Variants in SMOC2 observed in about 807,000 individuals in gnomAD.
SMOC2 encodes the protein SPARC-related modular calcium-binding protein 2.
SMOC2 carries 39 observed loss-of-function variants against 61.4 expected under a neutral mutation model. That is an observed-to-expected ratio of 0.64 (90% CI 0.49 to 0.83). The LOEUF (loss-of-function observed/expected upper bound fraction) is 0.83, where lower values mean the gene tolerates loss of function less well. SMOC2 is among the 40% of genes least tolerant of loss of function. The probability of loss-of-function intolerance (pLI) is 0.00; values close to 1 mark genes in which losing one functional copy is unlikely to be tolerated. For missense variants in SMOC2, 556 were observed against 592.9 expected (o/e 0.94, Z 0.65); for synonymous variants, 247 against 239.9 (o/e 1.03, Z -0.27).
chr6:168,575,941 G>A (rs574126218), intron 7 of SMOC2, among the ~76,000 whole-genome samples: 1 of 152,236 alleles, frequency 6.6e-6, no homozygotes, highest in African/African-American at 2.4e-5. Context: ...GTGCACCCCT[G>A]CCTGTCGGCC....
At chr6:168,660,228 A>G (rs1335375202) in intron 11 of SMOC2, among the ~76,000 whole-genome samples, 2 of 152,138 alleles carry the variant, frequency 1.3e-5, no homozygotes, top group East Asian at 3.9e-4. Context: ...GAAGGATATG[A>G]GTCCCTCATG....
At chr6:168,531,194 C>T (rs1300692626) in intron 4 of SMOC2, among the ~76,000 whole-genome samples, 2 of 152,046 alleles carry the variant, frequency 1.3e-5, no homozygotes, top group Admixed American at 6.5e-5. Flanking sequence ...TGCTTGCATG[C>T]GGTGGAGAGC....
intron 2 of SMOC2, among the ~76,000 whole-genome samples, chr6:168,518,969 G>A (rs57784202): frequency 0.18 from 27,647 of 150,016 alleles, 2,884 homozygotes; most frequent in East Asian, 0.35. Context: ...ATCCGTGCAC[G>A]CGTGTGTATG....
intron 9 of SMOC2, among the ~76,000 whole-genome samples, chr6:168,614,404 C>T (rs1310635763): frequency 1.1e-5 from 1 of 90,384 alleles, no homozygotes; most frequent in Admixed American, 1.3e-4. Flanking sequence ...CAGCACAGGG[C>T]CTCTTTATAC....
At chr6:168,636,592 C>T (rs1328360911) in intron 9 of SMOC2, among the ~76,000 whole-genome samples, 4 of 152,164 alleles carry the variant, frequency 2.6e-5, no homozygotes, top group African/African-American at 4.8e-5. Context: ...GGACTCCCCA[C>T]GAAGGAGTAC....
At chr6:168,564,209 C>T (rs1475880289) in intron 7 of SMOC2, among the ~76,000 whole-genome samples, 1 of 151,936 alleles carries the variant, frequency 6.6e-6, no homozygotes, top group African/African-American at 2.4e-5. Context: ...GATACAAGTC[C>T]TTACCAGATT....
chr6:168,489,918 C>T (rs1782431515), intron 1 of SMOC2, among the ~76,000 whole-genome samples: 1 of 152,106 alleles, frequency 6.6e-6, no homozygotes, highest in Non-Finnish European at 1.5e-5. Flanking sequence ...CCTTGCATCA[C>T]ACTGTTTTAG....
intron 1 of SMOC2, among the ~76,000 whole-genome samples, chr6:168,467,721 A>G (rs1364368375): frequency 1.3e-5 from 2 of 152,184 alleles, no homozygotes; most frequent in African/African-American, 4.8e-5. Context: ...TACATTTTTG[A>G]CCAGGGTGAA....
At chr6:168,578,852 A>G (rs930002697) in intron 7 of SMOC2, among the ~76,000 whole-genome samples, 2 of 152,080 alleles carry the variant, frequency 1.3e-5, no homozygotes, top group African/African-American at 2.4e-5. Flanking sequence ...TCCTTGTGTT[A>G]AAGGTTAAGG....
At position 168,544,599 on chromosome 6, in the gene SMOC2, G is replaced by A. The variant is rs998251550; in HGVS notation, c.511+927G>A. On this transcript the variant is annotated intron_variant, in intron 5 of 12. Transcript: ENST00000356284. This position sits in a 1 kb window ranked among gnomAD's most constrained non-coding sequence, Gnocchi z 4.1. ...GAGGCAGGAGAATTGCTTGAGCCCAGGAGATGGAGGTTGCAGTGAGCCGAG... is the reference window on the plus strand; with the variant it reads ...GAGGCAGGAGAATTGCTTGAGCCCAAGAGATGGAGGTTGCAGTGAGCCGAG... Among the ~76,000 whole-genome samples the A allele has an allele frequency of 6.6e-6, 1 of 152,172 alleles. No individual in the cohort carries two copies.
intron 1 of SMOC2, among the ~76,000 whole-genome samples, chr6:168,478,808 G>A (rs190184179): frequency 3.3e-5 from 5 of 151,668 alleles, no homozygotes; most frequent in South Asian, 4.2e-4. Context: ...AGTCAGGAAC[G>A]TTGAATGATT....
At chr6:168,532,973 A>G (rs936578115) in intron 4 of SMOC2, among the ~76,000 whole-genome samples, 2 of 152,190 alleles carry the variant, frequency 1.3e-5, no homozygotes, top group Non-Finnish European at 2.9e-5. Context: ...GTTTCTTCCC[A>G]TTTATTTCCT....
At chr6:168,486,386 A>C (rs186529997) in intron 1 of SMOC2, among the ~76,000 whole-genome samples, 1 of 152,116 alleles carries the variant, frequency 6.6e-6, no homozygotes, top group African/African-American at 2.4e-5. Flanking sequence ...TTGCACTCCA[A>C]CATTTGCAAA....
chr6:168,616,631 C>T (rs1385299136), intron 9 of SMOC2, among the ~76,000 whole-genome samples: 2 of 152,140 alleles, frequency 1.3e-5, no homozygotes, highest in African/African-American at 2.4e-5. Flanking sequence ...GAAATTTGCC[C>T]ATGAATAAGA....
At chr6:168,502,642 T>A (rs533969044) in intron 1 of SMOC2, among the ~76,000 whole-genome samples, 1 of 152,356 alleles carries the variant, frequency 6.6e-6, no homozygotes, top group Non-Finnish European at 1.5e-5. Flanking sequence ...ACTGAGTTAT[T>A]TCACTCAGAC....
chr6:168,509,794 T>G (rs1583066759), intron 1 of SMOC2, 121 bp from the exon 2 acceptor site: 1 of 852,336 alleles, frequency 1.2e-6, no homozygotes, highest in East Asian at 2.6e-5. Context: ...GAGAACCGGG[T>G]GGTGTTATCC....
chr6:168,599,066 A>T (rs1785410794), intron 8 of SMOC2, 62 bp downstream of exon 8: 1 of 1,457,574 alleles, frequency 6.9e-7, no homozygotes, highest in East Asian at 2.5e-5. Context: ...GGAAGCCAGG[A>T]AAGCAGAACC....
At chr6:168,551,645 G>T (rs1030952764) in intron 7 of SMOC2, among the ~76,000 whole-genome samples, 2 of 151,960 alleles carry the variant, frequency 1.3e-5, no homozygotes, top group Non-Finnish European at 2.9e-5. Flanking sequence ...GTAGAGACAG[G>T]GTTTCACCAT....
At chr6:168,560,263 A>C (rs1000207433) in intron 7 of SMOC2, among the ~76,000 whole-genome samples, 12 of 152,222 alleles carry the variant, frequency 7.9e-5, no homozygotes, top group Non-Finnish European at 1.8e-4. Context: ...CTAATGCCAG[A>C]ATACGTCACG....
Sources: allele counts gnomAD v4.1 joint callset (sites outside exome capture counted in the v4.1 genomes callset), GRCh38; gene constraint gnomAD v4.1.1; non-coding constraint Gnocchi (gnomAD v3.1); transcripts MANE v1.5; gene names NCBI Gene and HGNC (gene_info 2026-07-23, HGNC 2026-07-21).